The following OVOL1 variants were observed in gnomAD, a reference collection of about 807,000 sequenced individuals.
OVOL1 encodes the protein putative transcription factor Ovo-like 1.
Under a neutral mutation model 21.5 loss-of-function variants are expected in OVOL1, and 10 were observed. The observed-to-expected ratio is 0.46, with a 90% confidence interval of 0.29 to 0.79. OVOL1 has a LOEUF of 0.79. Among genes scored for constraint, OVOL1 ranks in the 30% least tolerant of loss-of-function variants. OVOL1 has a pLI of 0.10. For synonymous variants in OVOL1, 129 were observed against 150.3 expected, an observed-to-expected ratio of 0.86 and a Z score of 1.03; for missense variants, 279 against 362.3, an observed-to-expected ratio of 0.77 and a Z score of 1.87.
chr11:65,791,336 C>T (rs549244534), intron 1 of OVOL1, among the ~76,000 whole-genome samples: 3 of 152,378 alleles, frequency 2.0e-5, no homozygotes. Flanking sequence ...ACCAGCTGCA[C>T]TGTGCTGACA....
chr11:65,795,560 G>C lies in OVOL1; in HGVS notation c.*219G>C. The stretch of plus-strand genomic sequence containing the variant: ...CATTTTTGACTTATGGGCCGAGGCT[G>C]TTCTGAGCCTGGGAAGATGTACCTA... On this transcript the variant is annotated 3_prime_UTR_variant, in exon 4 of 4. Coordinates refer to ENST00000335987, the MANE Select transcript of OVOL1 (RefSeq NM_004561.4). This position sits in a 1 kb window ranked among gnomAD's most constrained non-coding sequence, Gnocchi z 5.7. 2 of 595,302 alleles carry C rather than the reference G, an allele frequency of 3.4e-6. No homozygotes were observed. The highest frequency in any genetic ancestry group is 4.0e-5 in the South Asian group (2 of 49,698). 36.9% of individuals were successfully genotyped at this position (595,302 alleles called of 1,614,324 possible). A position where few individuals can be genotyped will look rare whatever the true frequency, so the allele number is the denominator to read the frequency against.
rs752377455 is a variant in OVOL1, at chr11:65,794,041, C to T, written c.111C>T (p.Gly37=). The T allele has an allele frequency of 1.2e-6, 2 of 1,613,832 alleles. No individual in the cohort carries two copies. The highest frequency in any genetic ancestry group is 2.2e-5 in the South Asian group (2 of 91,068). The change falls in exon 2 of 4, where the codon GGC becomes GGT. Residue 37 remains glycine, a synonymous_variant. Transcript: ENST00000335987. ...RGEIYVPVSL[G]FCPPQPYREP... ...CTGTTCTCTCCCCAGTCAGCCTGGG[C>T]TTCTGCCCACCACAGCCCTACCGGG...
chr11:65,795,130 G>A lies in OVOL1; in HGVS notation c.593G>A (p.Gly198Asp), dbSNP rs774919756. 11 of 1,613,912 alleles carry A rather than the reference G, an allele frequency of 6.8e-6. No homozygotes were observed. The South Asian group carries it at 1.2e-4, about 18-fold the overall frequency. The change falls in exon 4 of 4, where the codon GGT becomes GAT. Residue 198 changes from glycine (G) to aspartate (D), a missense_variant. By Grantham distance (94) the Gly-to-Asp change is moderately conservative. Coordinates refer to ENST00000335987, the MANE Select transcript of OVOL1 (RefSeq NM_004561.4). The surrounding 1 kb of genome is among the most constrained non-coding windows in gnomAD (Gnocchi z 5.7). ...GAGTCTCACCTCAAGAAGATCCATGGTGTGCAGCAGAAGTACGCGTACAAG... is the reference window on the plus strand; with the variant it reads ...GAGTCTCACCTCAAGAAGATCCATGATGTGCAGCAGAAGTACGCGTACAAG... ...SLESHLKKIH[G>D]VQQKYAYKER... is the part of the protein sequence containing the mutation.
chr11:65,792,718 G>A (rs568906860), intron 1 of OVOL1, among the ~76,000 whole-genome samples: 3 of 152,356 alleles, frequency 2.0e-5, no homozygotes, highest in African/African-American at 4.8e-5. Flanking sequence ...TCTGGGCGGC[G>A]GCGGGTGCAT....
At chr11:65,792,022 C>T (rs567466525) in intron 1 of OVOL1, among the ~76,000 whole-genome samples, 469 of 152,290 alleles carry the variant, frequency 3.1e-3, no homozygotes, top group African/African-American at 0.011. Context: ...ACATCCCCAC[C>T]CTGGCAGCGG....
At chr11:65,793,292 C>T (rs550231799) in intron 1 of OVOL1, among the ~76,000 whole-genome samples, 3 of 152,212 alleles carry the variant, frequency 2.0e-5, no homozygotes, top group East Asian at 3.8e-4. Flanking sequence ...TGCCAGGTAT[C>T]GGTGCTGCCG....
chr11:65,794,768 G>T (rs563960747), intron 3 of OVOL1, 41 bp downstream of exon 3: 25 of 1,587,064 alleles, frequency 1.6e-5, no homozygotes, highest in Middle Eastern at 1.7e-4. Context: ...CGCCGGATCC[G>T]CCTGGCCGCG....
Position 65,794,632 on chromosome 11 carries a change from A to G in OVOL1, c.413A>G (p.Lys138Arg). Residue 138 changes from lysine (K) to arginine (R), a missense_variant, in exon 3 of 4, where the codon AAG becomes AGG. Transcript: ENST00000335987. ...CAGCGCATGCTGAACCGCCACATGAAGTGTCACAACGACGTCAAGAGGCAC... is the reference window on the plus strand; with the variant it reads ...CAGCGCATGCTGAACCGCCACATGAGGTGTCACAACGACGTCAAGAGGCAC... ...TYQRMLNRHM[K>R]CHNDVKRHLC... is the part of the protein sequence containing the mutation. 1 of 1,613,734 alleles carries G rather than the reference A, an allele frequency of 6.2e-7. No individual in the cohort carries two copies.
intron 1 of OVOL1, chr11:65,788,568 G>C (rs1189103677): frequency 2.0e-6 from 2 of 985,090 alleles, no homozygotes; most frequent in Non-Finnish European, 2.4e-6. Flanking sequence ...GTGGGGAAAT[G>C]AGGGCAGCAG....
At chr11:65,793,718 G>C in intron 1 of OVOL1, 1 of 404,064 alleles carries the variant, frequency 2.5e-6, no homozygotes, top group South Asian at 2.5e-5. Context: ...GGAATTCAGA[G>C]GGACCAGCCC....
intron 3 of OVOL1, 138 bp from the exon 4 acceptor site, chr11:65,794,908 G>A (rs1243151137): frequency 1.3e-5 from 13 of 1,003,430 alleles, no homozygotes; most frequent in Non-Finnish European, 1.6e-5. Flanking sequence ...GAGTCACTCG[G>A]GAAGTTGGTG....
At chr11:65,793,290 A>C (rs552467183) in intron 1 of OVOL1, among the ~76,000 whole-genome samples, 71 of 152,266 alleles carry the variant, frequency 4.7e-4, no homozygotes, top group African/African-American at 1.7e-3. Flanking sequence ...GCTGCCAGGT[A>C]TCGGTGCTGC....
intron 2 of OVOL1, 92 bp from the exon 3 acceptor site, chr11:65,794,446 G>A (rs972052470): frequency 3.1e-6 from 4 of 1,307,528 alleles, no homozygotes; most frequent in Non-Finnish European, 4.3e-6. Context: ...CCTCCTCAGG[G>A]ACACTGGGGG....
Position 65,793,906 on chromosome 11 carries a change from G to A in OVOL1, c.101-125G>A, listed in dbSNP as rs1447049131. ...GTGGTCGGGGCAGCCCCGCTCTGCT[G>A]CATGCCTGCGATGGGAGGGACGGAG... On this transcript the variant is annotated intron_variant, in intron 1 of 3. Transcript: ENST00000335987. 4.2e-6 allele frequency: 3 copies of A among 718,822 alleles called. No individual in the cohort carries two copies. In the African/African-American group the frequency reaches 5.3e-5, roughly 13 times the overall value. 44.5% of individuals were successfully genotyped at this position (718,822 alleles called of 1,614,324 possible). A position where few individuals can be genotyped will look rare whatever the true frequency, so the allele number is the denominator to read the frequency against.
intron 3 of OVOL1, 69 bp from the exon 4 acceptor site, chr11:65,794,977 T>C (rs768461296): frequency 1.9e-5 from 29 of 1,514,736 alleles, no homozygotes; most frequent in Non-Finnish European, 2.6e-5. Context: ...CCTTTCTGTG[T>C]CTGGAAGCAG....
intron 1 of OVOL1, chr11:65,789,139 AT>A: frequency 1.2e-6 from 1 of 861,752 alleles, no homozygotes; most frequent in Non-Finnish European, 1.4e-6. Context: ...TCATGTGTTG[AT>A]TTTTACAAAG....
intron 1 of OVOL1, chr11:65,789,690 C>A: frequency 1.0e-6 from 1 of 985,398 alleles, no homozygotes; most frequent in Non-Finnish European, 1.2e-6. Flanking sequence ...CTCACAGATT[C>A]CTGGTAAGTT....
intron 1 of OVOL1, 128 bp from the exon 2 acceptor site, chr11:65,793,903 G>A: frequency 1.4e-6 from 1 of 710,710 alleles, no homozygotes; most frequent in East Asian, 2.7e-5. Context: ...GCCCCGCTCT[G>A]CTGCATGCCT....
At chr11:65,793,403 C>T (rs1729004404) in intron 1 of OVOL1, among the ~76,000 whole-genome samples, 2 of 152,232 alleles carry the variant, frequency 1.3e-5, no homozygotes, top group South Asian at 4.1e-4. Flanking sequence ...AGGCTGCATC[C>T]ACCTGCGGCT....
Sources: allele counts gnomAD v4.1 joint callset (sites outside exome capture counted in the v4.1 genomes callset), GRCh38; gene constraint gnomAD v4.1.1; non-coding constraint Gnocchi (gnomAD v3.1); transcripts MANE v1.5; gene names NCBI Gene and HGNC (gene_info 2026-07-23, HGNC 2026-07-21).